Variants in NT5C3A observed in about 807,000 individuals in gnomAD.
The protein encoded by NT5C3A is 5'-nucleotidase, cytosolic IIIA, also known as cytosolic 5'-nucleotidase 3A.
A neutral mutation model predicts 40.0 loss-of-function variants in NT5C3A; 23 were observed. The observed-to-expected ratio is 0.58, with a 90% CI of 0.41 to 0.81. The LOEUF is 0.81. Among genes scored for constraint, NT5C3A ranks in the 40% least tolerant of loss-of-function variants. The pLI is 0.00. For missense variants in NT5C3A, 328 were observed against 403.0 expected (o/e 0.81, Z 1.59); for synonymous variants, 130 against 141.4 (o/e 0.92, Z 0.57).
Position 33,024,045 on chromosome 7 carries a change from A to G in NT5C3A, c.301T>C (p.Cys101Arg), listed in dbSNP as rs1785780248. The G allele has an allele frequency of 6.5e-7, 1 of 1,538,720 alleles. No individual in the cohort carries two copies. The highest frequency in any genetic ancestry group is 9.0e-7 in the Non-Finnish European group (1 of 1,112,106). ...FSYKGKRCPT[C>R]HNIIDNCKLV... Reference sequence around the variant, plus strand: ...TTACAAATATCACACTTACTATGACATGTTGGGCATCTTTTCCCTTTATAT... The same window carrying G: ...TTACAAATATCACACTTACTATGACGTGTTGGGCATCTTTTCCCTTTATAT... The change falls in exon 3 of 9, where the codon TGT becomes CGT. Residue 101 changes from cysteine (C) to arginine (R), a missense_variant. Transcript: ENST00000610140.
intron 2 of NT5C3A, among the ~76,000 whole-genome samples, chr7:33,026,081 G>C (rs1466867717): frequency 5.9e-5 from 9 of 152,144 alleles, no homozygotes; most frequent in Admixed American, 5.9e-4. Context: ...AGCTGCTCTG[G>C]AAGCTGAGGA....
chr7:33,017,020 CAA>C (rs1489957034), intron 7 of NT5C3A, among the ~76,000 whole-genome samples: 1 of 151,430 alleles, frequency 6.6e-6, no homozygotes, highest in Non-Finnish European at 1.5e-5. Flanking sequence ...CTATCTCTAC[CAA>C]AAATACAAAA....
intron 1 of NT5C3A, chr7:33,029,122 C>G (rs1282119907): frequency 1.3e-5 from 2 of 152,244 alleles, no homozygotes; most frequent in African/African-American, 4.8e-5. Context: ...ACCTGCAATG[C>G]AACTAACCTT....
intron 1 of NT5C3A, among the ~76,000 whole-genome samples, chr7:33,032,052 G>A (rs899098446): frequency 3.3e-5 from 5 of 151,970 alleles, no homozygotes; most frequent in Admixed American, 2.6e-4. Context: ...TTGAACCCGG[G>A]AGGCAGAGGT....
intron 1 of NT5C3A, chr7:33,035,923 C>T: frequency 6.2e-7 from 1 of 1,607,082 alleles, no homozygotes; most frequent in Non-Finnish European, 8.5e-7. Context: ...TGGAAATAGG[C>T]AAATACCCAC....
chr7:33,062,578 A>C lies in NT5C3A; in HGVS notation c.128T>G (p.Ile43Ser). Residue 43 changes from isoleucine to serine, a missense_variant, in exon 1 of 9, where the codon ATC becomes AGC. Ile to Ser is a moderately radical substitution (Grantham distance 142, BLOSUM62 -2). Coordinates refer to ENST00000610140, the MANE Select transcript of NT5C3A (RefSeq NM_001002010.5). Reference protein sequence around the residue: ...LKRKTGRKTKIIEMMPEFQKS... With the variant: ...LKRKTGRKTKSIEMMPEFQKS... ...AGCCTCCACACTCACCATCTCGATG[A>C]TCTTGGTCTTCCGCCCCGTCTTCCT... is the stretch of plus-strand genomic sequence containing the variant. 1 of 1,610,352 alleles carries C rather than the reference A, an allele frequency of 6.2e-7. No homozygotes were observed. Among genetic ancestry groups the C allele is most frequent in the East Asian group, 2.2e-5 (1 of 44,778 alleles).
chr7:33,023,883 A>G (rs879274981), intron 3 of NT5C3A, 156 bp downstream of exon 3: 17 of 618,682 alleles, frequency 2.7e-5, no homozygotes, highest in Admixed American at 8.5e-5. Flanking sequence ...ATATGGGAAA[A>G]AAAACCTCAA....
chr7:33,024,151 C>T (rs1441085574), intron 2 of NT5C3A, 43 bp from the exon 3 acceptor site: 16 of 1,146,070 alleles, frequency 1.4e-5, no homozygotes, highest in Non-Finnish European at 2.1e-5. Flanking sequence ...ACATAGCCCA[C>T]ATGGCCAGAA....
intron 1 of NT5C3A, among the ~76,000 whole-genome samples, chr7:33,061,154 A>G (rs1787758478): frequency 6.6e-6 from 1 of 152,172 alleles, no homozygotes; most frequent in Non-Finnish European, 1.5e-5. Context: ...AGATATGGCA[A>G]CTCGGTTTTT....
intron 1 of NT5C3A, among the ~76,000 whole-genome samples, chr7:33,056,219 A>G (rs373746044): frequency 3.3e-5 from 5 of 152,318 alleles, no homozygotes; most frequent in African/African-American, 2.4e-5. Context: ...AGAAATCATC[A>G]GGAAATGCCA....
chr7:33,017,182 CAA>C (rs11286607), intron 7 of NT5C3A: 40,272 of 312,920 alleles, frequency 0.13, 48 homozygotes, highest in East Asian at 0.21. Context: ...GACTCCATCT[CAA>C]AAAAAAAAAA....
intron 3 of NT5C3A, 151 bp from the exon 4 acceptor site, chr7:33,022,250 G>A (rs866594070): frequency 1.6e-6 from 1 of 614,942 alleles, no homozygotes; most frequent in African/African-American, 1.8e-5. Context: ...AACTAGCATG[G>A]TTATTATAAC....
At chr7:33,024,315 G>T (rs1033418484) in intron 2 of NT5C3A, among the ~76,000 whole-genome samples, 76 of 152,138 alleles carry the variant, frequency 5.0e-4, no homozygotes, top group African/African-American at 1.8e-3. Flanking sequence ...TAACTACAAG[G>T]TGCTACCTTG....
chr7:33,029,827 A>G, intron 1 of NT5C3A: 1 of 544,476 alleles, frequency 1.8e-6, no homozygotes. Flanking sequence ...TCAGCCTCCC[A>G]AAGTGCTGGG....
At chr7:33,020,964 T>G (rs558791679) in intron 5 of NT5C3A, among the ~76,000 whole-genome samples, 1 of 145,794 alleles carries the variant, frequency 6.9e-6, no homozygotes, top group Non-Finnish European at 1.5e-5. Flanking sequence ...CTCATACCTT[T>G]TCTTTACACA....
intron 1 of NT5C3A, among the ~76,000 whole-genome samples, chr7:33,036,872 C>A (rs1050975434): frequency 2.0e-5 from 3 of 151,880 alleles, no homozygotes; most frequent in Admixed American, 1.3e-4. Context: ...AGTGCAGTGG[C>A]ATGATCTCAG....
rs370490829 is a variant in NT5C3A at position 33,057,636 on chromosome 7, C to G, written c.138+4932G>C. 2.0e-5 allele frequency among the ~76,000 whole-genome samples: 3 copies of G among 152,132 alleles called. No individual in the cohort carries two copies. In the East Asian group the frequency reaches 5.8e-4, roughly 29 times the overall value. Reference sequence around the variant, plus strand: ...GTAATAGTTGACATTAACAACAAAGCAATAAATTGTTGAGATATGTTTAAA... The same window carrying G: ...GTAATAGTTGACATTAACAACAAAGGAATAAATTGTTGAGATATGTTTAAA... On this transcript the variant is annotated intron_variant, in intron 1 of 8. Transcript: ENST00000610140.
intron 4 of NT5C3A, among the ~76,000 whole-genome samples, 168 bp from the exon 5 acceptor site, chr7:33,021,525 A>C (rs1412154626): frequency 6.6e-6 from 1 of 152,214 alleles, no homozygotes; most frequent in Non-Finnish European, 1.5e-5. Flanking sequence ...CATGTAATCA[A>C]ATATACCTGC....
At chr7:33,034,724 T>C (rs919327563) in intron 1 of NT5C3A, among the ~76,000 whole-genome samples, 4 of 152,144 alleles carry the variant, frequency 2.6e-5, no homozygotes, top group African/African-American at 4.8e-5. Flanking sequence ...GGGGGAAAGA[T>C]GAACAAGAGA....
Sources: gnomAD v4.1 joint callset for allele counts (sites outside exome capture counted in the v4.1 genomes callset) on GRCh38, gnomAD v4.1.1 for gene constraint, MANE v1.5 for transcripts, NCBI Gene and HGNC (gene_info 2026-07-23, HGNC 2026-07-21) for gene names.